The following MARCHF1 variants were observed in gnomAD, a reference collection of about 807,000 sequenced individuals.
MARCHF1 encodes E3 ubiquitin-protein ligase MARCHF1.
In MARCHF1, 40 loss-of-function variants were observed where a neutral mutation model predicts 54.2. That is an observed-to-expected ratio of 0.74 (90% CI 0.57 to 0.96). MARCHF1 has a LOEUF of 0.96. Among genes scored for constraint, MARCHF1 ranks in the 40% least tolerant of loss-of-function variants. The pLI, the probability that MARCHF1 is intolerant of heterozygous loss-of-function variation, is 0.00. For missense variants in MARCHF1, 586 were observed against 656.5 expected (o/e 0.89, Z 1.17); for synonymous variants, 236 against 236.3 (o/e 1.00, Z 0.01).
At chr4:164,054,451 T>A (rs1466867867) in intron 2 of MARCHF1, among the ~76,000 whole-genome samples, 1 of 152,036 alleles carries the variant, frequency 6.6e-6, no homozygotes, top group Admixed American at 6.6e-5. Flanking sequence ...CTATAAATCA[T>A]GCTGCTATAA....
chr4:164,340,532 C>A (rs1032148514), intron 1 of MARCHF1, among the ~76,000 whole-genome samples: 2 of 150,066 alleles, frequency 1.3e-5, no homozygotes, highest in Non-Finnish European at 3.0e-5. Flanking sequence ...TGAGTTCCAG[C>A]GATTCTCCTG....
chr4:164,199,632 T>TCTCTCTCTCA (rs1302700273), intron 1 of MARCHF1, among the ~76,000 whole-genome samples: 2 of 114,772 alleles, frequency 1.7e-5, no homozygotes, highest in African/African-American at 6.9e-5. Flanking sequence ...CAGGACTCTG[T>TCTCTCTCTCA]CACACACACA....
At chr4:164,195,509 T>C (rs1731231262) in intron 1 of MARCHF1, among the ~76,000 whole-genome samples, 1 of 152,138 alleles carries the variant, frequency 6.6e-6, no homozygotes, top group Admixed American at 6.6e-5. Flanking sequence ...CTCAGACAAA[T>C]GAAAATAGAA....
At chr4:164,313,567 G>A (rs1734922984) in intron 1 of MARCHF1, among the ~76,000 whole-genome samples, 1 of 152,084 alleles carries the variant, frequency 6.6e-6, no homozygotes. Flanking sequence ...GTAGTGAAGT[G>A]GGTATGGTCT....
At chr4:164,324,644 A>AT (rs1249563104) in intron 1 of MARCHF1, among the ~76,000 whole-genome samples, 1 of 151,458 alleles carries the variant, frequency 6.6e-6, no homozygotes, top group Non-Finnish European at 1.5e-5. Context: ...TCTGCTTATA[A>AT]TAAGGAAGAA....
chr4:163,554,018 T>C (rs1050032113), intron 8 of MARCHF1, among the ~76,000 whole-genome samples: 21 of 152,190 alleles, frequency 1.4e-4, no homozygotes, highest in African/African-American at 5.1e-4. Flanking sequence ...AAAAACATTT[T>C]TGGGGTTAGC....
chr4:163,647,828 G>A (rs1742817418), intron 5 of MARCHF1, among the ~76,000 whole-genome samples: 1 of 151,426 alleles, frequency 6.6e-6, no homozygotes, highest in Admixed American at 6.6e-5. Context: ...AATAACCTAT[G>A]TTTCATCTCA....
At chr4:163,718,239 G>T (rs897808097) in intron 4 of MARCHF1, among the ~76,000 whole-genome samples, 1 of 151,978 alleles carries the variant, frequency 6.6e-6, no homozygotes, top group Admixed American at 6.6e-5. Context: ...GGACATAGGC[G>T]TGGGCAAGGA....
At chr4:164,351,516 C>G (rs181565276) in intron 1 of MARCHF1, among the ~76,000 whole-genome samples, 5 of 151,890 alleles carry the variant, frequency 3.3e-5, no homozygotes, top group Non-Finnish European at 5.9e-5. Flanking sequence ...ACACCTCACA[C>G]GGCAGGGTAT....
chr4:164,314,762 T>C (rs1734953312), intron 1 of MARCHF1, among the ~76,000 whole-genome samples: 2 of 152,180 alleles, frequency 1.3e-5, no homozygotes, highest in Admixed American at 1.3e-4. Flanking sequence ...TATTTCTTAG[T>C]TGTATATTTA....
At chr4:163,866,207 C>CT (rs1750043958) in intron 3 of MARCHF1, among the ~76,000 whole-genome samples, 2 of 151,242 alleles carry the variant, frequency 1.3e-5, no homozygotes, top group Admixed American at 6.6e-5. Flanking sequence ...TGGTATTCAA[C>CT]TTTTTTACCT....
intron 5 of MARCHF1, among the ~76,000 whole-genome samples, chr4:163,653,763 A>G (rs1743050233): frequency 6.6e-6 from 1 of 151,804 alleles, no homozygotes; most frequent in Admixed American, 6.6e-5. Flanking sequence ...TTCTTTGGAC[A>G]GCTGAGTGTG....
At chr4:163,838,049 T>A (rs903820125) in intron 4 of MARCHF1, among the ~76,000 whole-genome samples, 1 of 152,146 alleles carries the variant, frequency 6.6e-6, no homozygotes, top group Non-Finnish European at 1.5e-5. Flanking sequence ...TGGAACCAAG[T>A]AATAATTTTA....
intron 4 of MARCHF1, among the ~76,000 whole-genome samples, chr4:163,708,076 A>G (rs1316979052): frequency 2.6e-5 from 4 of 151,604 alleles, no homozygotes; most frequent in Non-Finnish European, 5.9e-5. Flanking sequence ...ATGCTTCTTC[A>G]CCCTGGGAGT....
chr4:164,358,871 A>G (rs761110491), intron 1 of MARCHF1, among the ~76,000 whole-genome samples: 7 of 152,148 alleles, frequency 4.6e-5, no homozygotes, highest in Admixed American at 1.3e-4. Context: ...TTGGATTTTT[A>G]AAAAATGAAA....
chr4:164,139,504 A>AG (rs1397879407), intron 1 of MARCHF1, among the ~76,000 whole-genome samples: 1 of 151,952 alleles, frequency 6.6e-6, no homozygotes, highest in African/African-American at 2.4e-5. Flanking sequence ...AAAAAAAAAA[A>AG]AAGAAGGAAA....
At chr4:164,235,039 T>A (rs1284494570) in intron 1 of MARCHF1, 1 of 152,110 alleles carries the variant, frequency 6.6e-6, no homozygotes, top group Non-Finnish European at 1.5e-5. Flanking sequence ...TAGTTCCAAT[T>A]TCCCTTCCTT....
intron 5 of MARCHF1, among the ~76,000 whole-genome samples, chr4:163,634,766 G>C (rs6823391): frequency 0.6 from 81,661 of 136,548 alleles, 26,550 homozygotes; most frequent in African/African-American, 0.85. Context: ...ATCTACAGAA[G>C]TCTCCACCCC....
At chr4:163,570,312 G>A (rs1739800561) in intron 8 of MARCHF1, among the ~76,000 whole-genome samples, 1 of 152,078 alleles carries the variant, frequency 6.6e-6, no homozygotes. Flanking sequence ...CAGTGTTGAT[G>A]ATGGAGGGAT....
Sources: allele counts gnomAD v4.1 joint callset (sites outside exome capture counted in the v4.1 genomes callset), GRCh38; gene constraint gnomAD v4.1.1; transcripts MANE v1.5; gene names NCBI Gene and HGNC (gene_info 2026-07-23, HGNC 2026-07-21).